Variants in ADGRL2 observed in about 807,000 individuals in gnomAD.
The protein encoded by ADGRL2 is adhesion G protein-coupled receptor L2.
ADGRL2 carries 44 observed loss-of-function variants against 157.4 expected under a neutral mutation model. That is an observed-to-expected ratio of 0.28 (90% CI 0.22 to 0.36). ADGRL2 has a LOEUF of 0.36. Among genes scored for constraint, ADGRL2 ranks in the 10% least tolerant of loss-of-function variants. The pLI, the probability that ADGRL2 is intolerant of heterozygous loss-of-function variation, is 1.00. For missense variants in ADGRL2, 1,510 were observed against 1,768.9 expected (o/e 0.85, Z 2.63); for synonymous variants, 585 against 624.7 (o/e 0.94, Z 0.95).
At chr1:81,447,881 T>C (rs1330911992) in intron 2 of ADGRL2, among the ~76,000 whole-genome samples, 2 of 152,062 alleles carry the variant, frequency 1.3e-5, no homozygotes, top group Admixed American at 6.6e-5. Flanking sequence ...AGATCCTCCA[T>C]GAACGGTTTA....
intron 1 of ADGRL2, among the ~76,000 whole-genome samples, chr1:81,747,079 T>G (rs1001684211): frequency 6.8e-6 from 1 of 146,990 alleles, no homozygotes; most frequent in Non-Finnish European, 1.5e-5. Context: ...TATATGTATA[T>G]ATGTGTATAT....
At chr1:81,683,878 G>A (rs996935076) in intron 3 of ADGRL2, among the ~76,000 whole-genome samples, 19 of 151,840 alleles carry the variant, frequency 1.3e-4, no homozygotes, top group Non-Finnish European at 2.1e-4. Flanking sequence ...GTGCAGTGGC[G>A]CAATCTCGGC....
chr1:81,729,411 CT>C (rs2084647436), intron 1 of ADGRL2, among the ~76,000 whole-genome samples: 1 of 152,008 alleles, frequency 6.6e-6, no homozygotes. Flanking sequence ...TCTTGCAGTA[CT>C]GTTTTTCTCA....
At chr1:81,587,968 A>G (rs2081060583) in intron 3 of ADGRL2, among the ~76,000 whole-genome samples, 1 of 152,170 alleles carries the variant, frequency 6.6e-6, no homozygotes, top group South Asian at 2.1e-4. Context: ...TATAGTTAAT[A>G]GTAGAAGATG....
chr1:81,697,830 C>G (rs951690833), upstream of ADGRL2, among the ~76,000 whole-genome samples: 2 of 152,104 alleles, frequency 1.3e-5, no homozygotes, highest in African/African-American at 4.8e-5. Context: ...ATAATGATGC[C>G]AGCCCCTCCT....
At chr1:81,936,428 G>T (rs943830149) in intron 3 of ADGRL2, among the ~76,000 whole-genome samples, 2 of 151,588 alleles carry the variant, frequency 1.3e-5, no homozygotes, top group African/African-American at 4.8e-5. Context: ...TCTTGTTGTC[G>T]TTCAGTTCAT....
intron 1 of ADGRL2, among the ~76,000 whole-genome samples, chr1:81,379,270 G>C (rs1473302146): frequency 5.3e-5 from 8 of 152,180 alleles, no homozygotes; most frequent in African/African-American, 1.9e-4. Context: ...ATACAGACGG[G>C]CAGGCTGTGG....
upstream of ADGRL2, among the ~76,000 whole-genome samples, chr1:81,799,305 TG>T (rs2087755381): frequency 6.6e-6 from 1 of 151,872 alleles, no homozygotes; most frequent in Admixed American, 6.6e-5. Flanking sequence ...TAAGTGTGTA[TG>T]TAGTTTAAAG....
At chr1:81,581,603 C>T (rs2080908541) in intron 3 of ADGRL2, among the ~76,000 whole-genome samples, 1 of 152,096 alleles carries the variant, frequency 6.6e-6, no homozygotes, top group African/African-American at 2.4e-5. Flanking sequence ...AGGATAACCA[C>T]GACTTGATTA....
intron 3 of ADGRL2, among the ~76,000 whole-genome samples, chr1:81,587,777 A>C (rs574518330): frequency 6.6e-6 from 1 of 152,152 alleles, no homozygotes; most frequent in African/African-American, 2.4e-5. Flanking sequence ...TATGAGTTAT[A>C]GAGAGATTGA....
chr1:81,484,068 A>G (rs1219231214), intron 2 of ADGRL2, among the ~76,000 whole-genome samples: 4 of 152,058 alleles, frequency 2.6e-5, no homozygotes, highest in Non-Finnish European at 2.9e-5. Context: ...TCCCATCACC[A>G]GATGTACATA....
intron 3 of ADGRL2, among the ~76,000 whole-genome samples, chr1:81,586,666 G>A (rs1405599443): frequency 1.3e-5 from 2 of 152,038 alleles, no homozygotes; most frequent in Admixed American, 6.6e-5. Flanking sequence ...CGGCTTGTAT[G>A]TAAGTCTAGA....
chr1:81,559,054 A>AT (rs1223781877), intron 2 of ADGRL2, among the ~76,000 whole-genome samples: 2 of 151,876 alleles, frequency 1.3e-5, no homozygotes, highest in South Asian at 2.1e-4. Context: ...TTCACCTCTG[A>AT]TTTTTTCTGT....
intron 1 of ADGRL2, among the ~76,000 whole-genome samples, chr1:81,714,787 G>C (rs1052279680): frequency 6.6e-6 from 1 of 151,638 alleles, no homozygotes; most frequent in African/African-American, 2.4e-5. Context: ...ACTTGAGACA[G>C]TTTTATATAA....
intron 2 of ADGRL2, among the ~76,000 whole-genome samples, chr1:81,559,576 T>C (rs2080393954): frequency 6.6e-6 from 1 of 152,310 alleles, no homozygotes; most frequent in Non-Finnish European, 1.5e-5. Flanking sequence ...AATATTCTCC[T>C]ATAACTTTAG....
chr1:81,948,044 C>G (rs1650456747), intron 6 of ADGRL2, among the ~76,000 whole-genome samples: 1 of 151,822 alleles, frequency 6.6e-6, no homozygotes, highest in Non-Finnish European at 1.5e-5. Flanking sequence ...TGGTGAAACC[C>G]CGTCTCTGCT....
chr1:81,812,228 A>G (rs1342152756), intron 1 of ADGRL2, among the ~76,000 whole-genome samples: 1 of 151,838 alleles, frequency 6.6e-6, no homozygotes, highest in Admixed American at 6.6e-5. Flanking sequence ...GGGAGCTTTT[A>G]TATGCGATGA....
intron 2 of ADGRL2, among the ~76,000 whole-genome samples, chr1:81,510,537 A>G (rs562633587): frequency 1.3e-5 from 2 of 152,330 alleles, no homozygotes; most frequent in South Asian, 4.1e-4. Context: ...CATGATTGAA[A>G]AAAGAAACAA....
At chr1:81,335,227 T>A (rs1177464203) in intron 1 of ADGRL2, among the ~76,000 whole-genome samples, 1 of 152,242 alleles carries the variant, frequency 6.6e-6, no homozygotes, top group Non-Finnish European at 1.5e-5. Context: ...TTAAAAATAC[T>A]TTTTGTGAAG....
Sources: gnomAD v4.1 joint callset for allele counts (sites outside exome capture counted in the v4.1 genomes callset) on GRCh38, gnomAD v4.1.1 for gene constraint, MANE v1.5 for transcripts, NCBI Gene and HGNC (gene_info 2026-07-23, HGNC 2026-07-21) for gene names.